MYBPH: variants seen among roughly 807,000 people sequenced by gnomAD.
MYBPH encodes myosin binding protein H.
A neutral mutation model predicts 53.6 loss-of-function variants in MYBPH; 49 were observed. The ratio of observed to expected loss-of-function variants is 0.91; its 90% CI spans 0.73 to 1.16. The LOEUF is 1.16. Among genes scored for constraint, MYBPH ranks in the 50% most tolerant of loss-of-function variants. The probability of loss-of-function intolerance (pLI) is 0.00; values close to 1 mark genes in which losing one functional copy is unlikely to be tolerated. For synonymous variants in MYBPH, 239 were observed against 249.6 expected, an observed-to-expected ratio of 0.96 and a Z score of 0.40; for missense variants, 558 against 624.1, an observed-to-expected ratio of 0.89 and a Z score of 1.13.
chr1:203,168,958 C>T lies in MYBPH; in HGVS notation c.1365G>A (p.Lys455=), dbSNP rs202014939. 8.1e-5 allele frequency: 130 copies of T among 1,613,962 alleles called. No homozygotes were observed. The Middle Eastern group carries it at 1.3e-3, about 16-fold the overall frequency. ...SPFDSGVYTC[K]AINVLGEASV... Reference sequence around the variant, plus strand: ...ATGCCTCCCCCAGCACATTTATGGCCTTGCAGGTGTAGACCCCAGAATCAA... The same window carrying T: ...ATGCCTCCCCCAGCACATTTATGGCTTTGCAGGTGTAGACCCCAGAATCAA... The change falls in exon 9 of 11, where the codon AAG becomes AAA. Residue 455 remains lysine, a synonymous_variant. Coordinates refer to ENST00000255416, the MANE Select transcript of MYBPH (RefSeq NM_004997.3).
At chr1:203,169,193 A>G in intron 8 of MYBPH, 60 bp downstream of exon 8, 1 of 1,576,096 alleles carries the variant, frequency 6.3e-7, no homozygotes, top group East Asian at 2.2e-5. Flanking sequence ...AGGATTCCTC[A>G]GCCCTGCTGT....
At chr1:203,178,179 C>T (rs1457607203), upstream of MYBPH, among the ~76,000 whole-genome samples, 1 of 152,206 alleles carries the variant, frequency 6.6e-6, no homozygotes, top group African/African-American at 2.4e-5. Flanking sequence ...ATGAGAGCGT[C>T]TCCACCTCAT....
chr1:203,171,733 A>G lies in MYBPH; in HGVS notation c.598-155T>C, dbSNP rs1455500204. Among the ~76,000 whole-genome samples, 1 of 152,174 alleles carries G rather than the reference A, an allele frequency of 6.6e-6. No individual in the cohort carries two copies. Among genetic ancestry groups the G allele is most frequent in the Admixed American group, 6.5e-5 (1 of 15,282 alleles). ...GAGGCTGGAGCCACAGGTGCTGCCC[A>G]CAGCCACATCTTCCAGGTGTCCATC... On this transcript the variant is annotated intron_variant, in intron 4 of 10. Coordinates refer to ENST00000255416, the MANE Select transcript of MYBPH (RefSeq NM_004997.3). This position sits in a 1 kb window ranked among gnomAD's most constrained non-coding sequence, Gnocchi z 4.2.
At chr1:203,168,754 A>G (rs1428525246) in intron 9 of MYBPH, 79 bp from the exon 10 acceptor site, 1 of 1,602,174 alleles carries the variant, frequency 6.2e-7, no homozygotes, top group Non-Finnish European at 8.5e-7. Flanking sequence ...CCTCTTCTAC[A>G]CCTGTCCACC....
intron 3 of MYBPH, among the ~76,000 whole-genome samples, chr1:203,173,910 C>T (rs985539047): frequency 6.6e-6 from 1 of 152,218 alleles, no homozygotes; most frequent in Non-Finnish European, 1.5e-5. Flanking sequence ...GCCTGCGGGG[C>T]CCCAGTGAGG....
chr1:203,173,948 A>G (rs1029268816), intron 3 of MYBPH, among the ~76,000 whole-genome samples: 1 of 152,252 alleles, frequency 6.6e-6, no homozygotes, highest in Non-Finnish European at 1.5e-5. Context: ...AGAAGTCTTC[A>G]TGGGCCTTTT....
intron 2 of MYBPH, among the ~76,000 whole-genome samples, chr1:203,174,925 C>T (rs1262843910): frequency 6.6e-6 from 1 of 152,054 alleles, no homozygotes; most frequent in African/African-American, 2.4e-5. Context: ...ATGTGGCCCC[C>T]ACACCCCCAC....
At chr1:203,169,228 G>A (rs2102187447) in intron 8 of MYBPH, 25 bp downstream of exon 8, 3 of 1,589,286 alleles carry the variant, frequency 1.9e-6, no homozygotes, top group East Asian at 2.2e-5. Flanking sequence ...ACCAGCCCAG[G>A]GCACAACAGG....
At chr1:203,172,149 C>T (rs1297892188) in intron 3 of MYBPH, 109 bp from the exon 4 acceptor site, 1 of 599,962 alleles carries the variant, frequency 1.7e-6, no homozygotes, top group Non-Finnish European at 2.5e-6. Context: ...GGAGGAGGGT[C>T]CTGGGTGTGC....
rs1330670736 is a variant in MYBPH at position 203,173,035 on chromosome 1, C to T, written c.509-995G>A. Among the ~76,000 whole-genome samples the T allele has an allele frequency of 3.3e-5, 5 of 152,200 alleles. No homozygotes were observed. In the East Asian group the frequency reaches 5.8e-4, roughly 18 times the overall value. On this transcript the variant is annotated intron_variant, in intron 3 of 10. Transcript: ENST00000255416. ...GAGAGACAGCTGAGCAGCCAAGGAT[C>T]CTGGACAGGGCCCCCACTCTGCCCT...
At chr1:203,170,619 T>C (rs1655677258) in intron 6 of MYBPH, among the ~76,000 whole-genome samples, 169 bp from the exon 7 acceptor site, 1 of 152,076 alleles carries the variant, frequency 6.6e-6, no homozygotes, top group Non-Finnish European at 1.5e-5. Flanking sequence ...GGCCCCTGGG[T>C]CACTCAGGTG....
chr1:203,172,144 AG>A, intron 3 of MYBPH, 104 bp from the exon 4 acceptor site: 1 of 701,892 alleles, frequency 1.4e-6, no homozygotes, highest in Non-Finnish European at 2.0e-6. Context: ...GGCTGGGAGG[AG>A]GGTCCTGGGT....
At chr1:203,176,091 C>T (rs1030132849), upstream of MYBPH, among the ~76,000 whole-genome samples, 3 of 152,158 alleles carry the variant, frequency 2.0e-5, no homozygotes, top group Admixed American at 6.5e-5. Context: ...GAGCAGGCCG[C>T]GTGCCAGGTG....
chr1:203,169,418 T>C (rs748988804), intron 7 of MYBPH, 29 bp from the exon 8 acceptor site: 3 of 1,553,486 alleles, frequency 1.9e-6, no homozygotes, highest in East Asian at 4.9e-5. Flanking sequence ...GTCGGGTGCA[T>C]CTGAGCTTAC....
chr1:203,175,740 T>A lies in MYBPH; in HGVS notation c.16A>T (p.Thr6Ser). 6.2e-7 allele frequency: 1 copy of A among 1,613,536 alleles called. No homozygotes were observed. Among genetic ancestry groups the A allele is most frequent in the Non-Finnish European group, 8.5e-7 (1 of 1,179,880 alleles). MMEKN[T>S]SEGPACSPEE... The stretch of plus-strand genomic sequence containing the variant: ...GGACTGCAGGCAGGGCCCTCGGAGG[T>A]GTTTTTTTCCATCATTGCTGGACTG... The change falls in exon 1 of 11, where the codon ACC becomes TCC. Residue 6 changes from threonine to serine, a missense_variant. Thr to Ser is a moderately conservative substitution (Grantham distance 58). Transcript: ENST00000255416.
chr1:203,177,184 A>G (rs1209258644), upstream of MYBPH, among the ~76,000 whole-genome samples: 1 of 152,190 alleles, frequency 6.6e-6, no homozygotes, highest in Non-Finnish European at 1.5e-5. Context: ...TAAGGCCAGA[A>G]AGGAAGATGA....
intron 6 of MYBPH, 104 bp downstream of exon 6, chr1:203,170,957 A>AGAACTCGATCCCT: frequency 1.4e-6 from 2 of 1,455,834 alleles, no homozygotes; most frequent in African/African-American, 1.4e-5. Flanking sequence ...TGGGCAGACC[A>AGAACTCGATCCCT]GAACTCGATC....
At chr1:203,169,199 G>GCTGTCCCCAC in intron 8 of MYBPH, 54 bp downstream of exon 8, 1 of 1,577,908 alleles carries the variant, frequency 6.3e-7, no homozygotes, top group East Asian at 2.2e-5. Flanking sequence ...CCTCAGCCCT[G>GCTGTCCCCAC]CTGTCCCCAC....
chr1:203,168,495 CTGTGTCCACAAGTT>C (rs1655626685), intron 10 of MYBPH, 118 bp downstream of exon 10: 2 of 858,464 alleles, frequency 2.3e-6, no homozygotes, highest in South Asian at 2.9e-5. Context: ...TGCTAGTTGC[CTGTGTCCACAAGTT>C]TGTGTCCACA....
Sources: allele counts gnomAD v4.1 joint callset (sites outside exome capture counted in the v4.1 genomes callset), GRCh38; gene constraint gnomAD v4.1.1; non-coding constraint Gnocchi (gnomAD v3.1); transcripts MANE v1.5; gene names NCBI Gene and HGNC (gene_info 2026-07-23, HGNC 2026-07-21).